Variants in SBNO1 observed in about 807,000 individuals in gnomAD.
SBNO1 encodes the protein strawberry notch homolog 1, also known as protein strawberry notch homolog 1.
A neutral mutation model predicts 173.6 loss-of-function variants in SBNO1; 23 were observed. That is an observed-to-expected ratio of 0.13 (90% CI 0.10 to 0.19). The LOEUF is 0.19. Ranked by LOEUF, SBNO1 falls within the 10% of genes least tolerant of loss-of-function variation. The pLI is 1.00. For missense variants in SBNO1, 1,238 were observed against 1,671.2 expected, an observed-to-expected ratio of 0.74 and a Z score of 4.52; for synonymous variants, 632 against 571.5, an observed-to-expected ratio of 1.11 and a Z score of -1.51.
chr12:123,348,058 C>A lies in SBNO1; in HGVS notation c.208G>T (p.Val70Leu). The A allele has an allele frequency of 6.2e-7, 1 of 1,609,182 alleles. No individual in the cohort carries two copies. The highest frequency in any genetic ancestry group is 1.3e-5 in the African/African-American group (1 of 74,946). ...ACATTTAATAGTGCTGGAGTAGGTA[C>A]AGTCTCTGGTTCTTGTTTAACAGGA... ...AVPVKQEPET[V>L]PTPALLNVRQ... Residue 70 changes from valine to leucine, a missense_variant, in exon 3 of 32, where the codon GTA (valine) becomes TTA (leucine). Around this residue, in one of 14 missense-constraint regions of SBNO1, gnomAD observed 287 missense variants for 274.1 expected, o/e 1.05. Coordinates refer to ENST00000602398, the MANE Select transcript of SBNO1 (RefSeq NM_001167856.3).
At chr12:123,361,729 T>TAAAAAAAAA (rs10649364) in intron 1 of SBNO1, among the ~76,000 whole-genome samples, 3 of 133,756 alleles carry the variant, frequency 2.2e-5, no homozygotes, top group Non-Finnish European at 3.1e-5. Flanking sequence ...CAAGACAGTC[T>TAAAAAAAAA]AAAAAAAAAA....
chr12:123,324,212 T>C (rs912458242), intron 15 of SBNO1, among the ~76,000 whole-genome samples: 113 of 152,324 alleles, frequency 7.4e-4, no homozygotes, highest in African/African-American at 2.6e-3. Context: ...GGACCAGTCA[T>C]TTCAACTGCT....
At chr12:123,301,673 G>A (rs1428398368) in intron 30 of SBNO1, among the ~76,000 whole-genome samples, 1 of 152,196 alleles carries the variant, frequency 6.6e-6, no homozygotes, top group Non-Finnish European at 1.5e-5. Flanking sequence ...AAGTTTGCAT[G>A]TGCTGTGCTA....
intron 7 of SBNO1, among the ~76,000 whole-genome samples, 183 bp from the exon 8 acceptor site, chr12:123,331,558 G>T (rs1871210332): frequency 3.3e-5 from 5 of 152,064 alleles, no homozygotes; most frequent in Admixed American, 3.3e-4. Flanking sequence ...GTCTCGCTCT[G>T]TCGCCCAGGT....
chr12:123,328,316 A>C (rs1469945660), intron 10 of SBNO1, among the ~76,000 whole-genome samples: 1 of 152,240 alleles, frequency 6.6e-6, no homozygotes, highest in African/African-American at 2.4e-5. Context: ...TAAAAGTAGA[A>C]GCATGATTGG....
intron 1 of SBNO1, among the ~76,000 whole-genome samples, chr12:123,355,084 G>A (rs777343191): frequency 5.9e-5 from 9 of 151,774 alleles, no homozygotes; most frequent in South Asian, 2.1e-4. Flanking sequence ...GCAGTGGCGC[G>A]ATCTCAGCTC....
intron 3 of SBNO1, 52 bp downstream of exon 3, chr12:123,347,977 A>G: frequency 8.7e-7 from 1 of 1,156,048 alleles, no homozygotes; most frequent in South Asian, 1.3e-5. Context: ...ATGTTTTCTC[A>G]CTACACTTCT....
At chr12:123,357,468 C>T (rs1053367381) in intron 1 of SBNO1, among the ~76,000 whole-genome samples, 2 of 151,924 alleles carry the variant, frequency 1.3e-5, no homozygotes, top group African/African-American at 4.8e-5. Context: ...AACAGTCAGG[C>T]ATGGTGGCTC....
Position 123,294,087 on chromosome 12 carries a change from G to C in SBNO1, c.*1821C>G, listed in dbSNP as rs868269136. On this transcript the variant is annotated 3_prime_UTR_variant, in exon 32 of 32. Transcript: ENST00000602398. ...TGATACAAAATGGATCACTGCCTGA[G>C]ATATATGAACTGGACTGAGGATAGA... 6.6e-6 allele frequency: 1 copy of C among 152,282 alleles called. No individual in the cohort carries two copies. 9.4% of individuals were successfully genotyped at this position (152,282 alleles called of 1,614,324 possible).
rs1463091525 is a variant in SBNO1 at position 123,364,762 on chromosome 12, G to A, written c.-62C>T. On this transcript the variant is annotated 5_prime_UTR_variant, in exon 1 of 32. Transcript: ENST00000602398. ...CGGGAGGTGTGAGTTTGAAGGACCA[G>A]AGGCGACTGGAGCGGAGGCGGCGGT... The A allele has an allele frequency of 1.5e-5, 15 of 989,220 alleles. No homozygotes were observed. The highest frequency in any genetic ancestry group is 9.1e-5 in the South Asian group (2 of 22,092). The allele number at this position is 989,220 out of a possible 1,614,324, so 61.3% of individuals were successfully genotyped here.
rs758719554 is a variant in SBNO1 at position 123,350,456 on chromosome 12, A to T, written c.1-15T>A. On this transcript the variant is annotated splice_polypyrimidine_tract_variant and intron_variant, in intron 1 of 31. Transcript: ENST00000602398. ...GGCTCCACCATCTTTAAAGGGAAAT[A>T]TTAAATATTAACATAAAAAACAAAA... is the stretch of plus-strand genomic sequence containing the variant. 1 of 1,605,396 alleles carries T rather than the reference A, an allele frequency of 6.2e-7. No individual in the cohort carries two copies. Among genetic ancestry groups the T allele is most frequent in the Non-Finnish European group, 8.5e-7 (1 of 1,172,510 alleles).
intron 30 of SBNO1, 44 bp from the exon 31 acceptor site, chr12:123,298,215 C>A (rs1340537185): frequency 6.7e-7 from 1 of 1,500,504 alleles, no homozygotes; most frequent in Non-Finnish European, 9.1e-7. Flanking sequence ...TCTATATATG[C>A]ACACAGACAC....
intron 16 of SBNO1, among the ~76,000 whole-genome samples, chr12:123,322,162 C>A (rs1870053392): frequency 6.6e-6 from 1 of 152,242 alleles, no homozygotes; most frequent in Admixed American, 6.5e-5. Context: ...GGAGACAGGG[C>A]CTCACTGTTG....
At position 123,345,432 on chromosome 12, in the gene SBNO1, T is replaced by G. The variant is rs147232291; in HGVS notation, c.376A>C (p.Thr126Pro). The change falls in exon 4 of 32, where the codon ACT becomes CCT. Residue 126 changes from threonine to proline, a missense_variant. By Grantham distance (38) the Thr-to-Pro change is conservative (BLOSUM62 -1). Around this residue, in one of 14 missense-constraint regions of SBNO1, gnomAD observed 287 missense variants for 274.1 expected, o/e 1.05. Coordinates refer to ENST00000602398, the MANE Select transcript of SBNO1 (RefSeq NM_001167856.3). The part of the protein sequence containing the change: ...QTITLTKFIQ[T>P]TASTRPSVSA... ...ACTGACGGGCGTGTGCTTGCAGTAG[T>G]CTGGATAAACTTAGTTAAAGTGATG... 3 of 1,614,074 alleles carry G rather than the reference T, an allele frequency of 1.9e-6. No homozygotes were observed. In the African/African-American group the frequency reaches 4.0e-5, roughly 22 times the overall value.
chr12:123,334,445 C>T (rs1006251284), intron 6 of SBNO1, among the ~76,000 whole-genome samples: 2 of 152,316 alleles, frequency 1.3e-5, no homozygotes, highest in Non-Finnish European at 1.5e-5. Flanking sequence ...GGGTGGCTCA[C>T]GCCTGTAATC....
intron 23 of SBNO1, among the ~76,000 whole-genome samples, chr12:123,314,426 T>G (rs1869020663): frequency 6.6e-6 from 1 of 151,254 alleles, no homozygotes; most frequent in Non-Finnish European, 1.5e-5. Flanking sequence ...GCATCCCAGG[T>G]TGAAGTGATT....
intron 19 of SBNO1, among the ~76,000 whole-genome samples, 186 bp from the exon 20 acceptor site, chr12:123,320,217 A>G (rs546349234): frequency 1.3e-5 from 2 of 152,324 alleles, no homozygotes; most frequent in East Asian, 1.9e-4. Context: ...ATCACAAAAG[A>G]TGCGTGATAA....
At chr12:123,310,283 G>A (rs888956979) in intron 25 of SBNO1, among the ~76,000 whole-genome samples, 6 of 152,176 alleles carry the variant, frequency 3.9e-5, no homozygotes, top group African/African-American at 1.4e-4. Flanking sequence ...GCCCAGGCTG[G>A]AGTGCAGTCA....
At chr12:123,344,986 A>G (rs1872954992) in intron 4 of SBNO1, among the ~76,000 whole-genome samples, 1 of 152,210 alleles carries the variant, frequency 6.6e-6, no homozygotes, top group Non-Finnish European at 1.5e-5. Flanking sequence ...ATGTTAACTG[A>G]CTACCTATAA....
Sources: allele counts gnomAD v4.1 joint callset (sites outside exome capture counted in the v4.1 genomes callset), GRCh38; gene constraint gnomAD v4.1.1; regional missense constraint gnomAD v4.1.1; transcripts MANE v1.5; gene names NCBI Gene and HGNC (gene_info 2026-07-23, HGNC 2026-07-21).